The following MS4A4A variants were observed in gnomAD, a reference collection of about 807,000 sequenced individuals.
MS4A4A encodes membrane spanning 4-domains A4A, also known as membrane-spanning 4-domains subfamily A member 4A.
Under a neutral mutation model 28.0 loss-of-function variants are expected in MS4A4A, and 26 were observed. That is an observed-to-expected ratio of 0.93 (90% confidence interval 0.68 to 1.29). The LOEUF is 1.29. Among genes scored for constraint, MS4A4A ranks in the 50% most tolerant of loss-of-function variants. The probability of loss-of-function intolerance (pLI) is 0.00; values close to 1 mark genes in which losing one functional copy is unlikely to be tolerated. For synonymous variants in MS4A4A, 86 were observed against 100.8 expected, an observed-to-expected ratio of 0.85 and a Z score of 0.88; for missense variants, 290 against 293.1, an observed-to-expected ratio of 0.99 and a Z score of 0.08.
intron 2 of MS4A4A, among the ~76,000 whole-genome samples, chr11:60,293,128 G>T (rs550046548): frequency 2.0e-5 from 3 of 152,066 alleles, no homozygotes; most frequent in African/African-American, 7.2e-5. Flanking sequence ...CACAATCTGG[G>T]CTCACTGCAA....
chr11:60,291,868 G>A (rs993134978), intron 1 of MS4A4A, among the ~76,000 whole-genome samples: 27 of 151,934 alleles, frequency 1.8e-4, no homozygotes, highest in African/African-American at 6.5e-4. Context: ...GTAATCAAGG[G>A]ATTAGGCAGT....
Position 60,302,563 on chromosome 11 carries a change from G to A in MS4A4A, c.392G>A (p.Arg131Gln), listed in dbSNP as rs763636845. 16 of 1,613,708 alleles carry A rather than the reference G, an allele frequency of 9.9e-6. No homozygotes were observed. Among genetic ancestry groups the A allele is most frequent in the African/African-American group, 8.0e-5 (6 of 74,898 alleles). ...TTGATTTTCATTCCTTTCTAGGTCC[G>A]AGGTAGTCTAGGAATGAATATCACC... ...AGIRTTKGLV[R>Q]GSLGMNITSS... Residue 131 changes from arginine (R) to glutamine (Q), a missense_variant, in exon 5 of 7, where the codon CGA (arginine) becomes CAA (glutamine). By Grantham distance (43) the Arg-to-Gln change is conservative (BLOSUM62 1). Coordinates refer to ENST00000337908, the MANE Select transcript of MS4A4A (RefSeq NM_148975.3).
intron 3 of MS4A4A, among the ~76,000 whole-genome samples, 187 bp downstream of exon 3, chr11:60,297,512 G>A (rs1158783117): frequency 6.6e-6 from 1 of 151,956 alleles, no homozygotes; most frequent in African/African-American, 2.4e-5. Flanking sequence ...TTAAATCTAG[G>A]CAGATTAAAT....
chr11:60,285,980 T>A (rs78822911), intron 1 of MS4A4A, among the ~76,000 whole-genome samples: 13,440 of 152,164 alleles, frequency 0.088, 752 homozygotes, highest in Middle Eastern at 0.14. Flanking sequence ...GTGTATTTCA[T>A]CCCTTATCTT....
chr11:60,297,110 A>G, intron 2 of MS4A4A, 87 bp from the exon 3 acceptor site: 1 of 1,495,600 alleles, frequency 6.7e-7, no homozygotes, highest in Non-Finnish European at 9.2e-7. Flanking sequence ...GAAGGAGAAT[A>G]AGGATAGCTT....
At chr11:60,308,033 C>A in intron 6 of MS4A4A, 74 bp from the exon 7 acceptor site, 1 of 1,284,984 alleles carries the variant, frequency 7.8e-7, no homozygotes, top group Non-Finnish European at 1.1e-6. Context: ...ATAATGATGA[C>A]TTTATGTGGG....
At chr11:60,282,861 A>G (rs915680638) in intron 1 of MS4A4A, 30 of 695,704 alleles carry the variant, frequency 4.3e-5, no homozygotes, top group African/African-American at 3.6e-4. Flanking sequence ...TGGTGACTCA[A>G]TTGTTTTTGT....
chr11:60,286,151 C>G (rs772916491), intron 1 of MS4A4A, among the ~76,000 whole-genome samples: 1 of 152,208 alleles, frequency 6.6e-6, no homozygotes, highest in Admixed American at 6.5e-5. Context: ...TGCCCGGCCC[C>G]GCAGGCAGTC....
intron 2 of MS4A4A, among the ~76,000 whole-genome samples, 173 bp downstream of exon 2, chr11:60,292,557 A>G (rs1266769924): frequency 6.6e-6 from 1 of 152,206 alleles, no homozygotes; most frequent in Non-Finnish European, 1.5e-5. Flanking sequence ...CTGTCACAAC[A>G]TGCTTCCAGT....
At chr11:60,300,965 A>T in intron 3 of MS4A4A, 36 bp from the exon 4 acceptor site, 1 of 1,519,876 alleles carries the variant, frequency 6.6e-7, no homozygotes, top group Non-Finnish European at 9.0e-7. Context: ...ATACTGGCTT[A>T]AAGTTTTTTA....
intron 1 of MS4A4A, among the ~76,000 whole-genome samples, chr11:60,291,061 C>T (rs2084851714): frequency 6.6e-6 from 1 of 152,138 alleles, no homozygotes. Context: ...GGAAGTTGAT[C>T]ATGAAACACC....
At chr11:60,291,801 A>AC (rs2084858640) in intron 1 of MS4A4A, among the ~76,000 whole-genome samples, 2 of 151,512 alleles carry the variant, frequency 1.3e-5, no homozygotes, top group Non-Finnish European at 2.9e-5. Flanking sequence ...CATCTCAAAA[A>AC]AAAAAAACAA....
chr11:60,297,829 G>A (rs1390982598), intron 3 of MS4A4A, among the ~76,000 whole-genome samples: 1 of 152,100 alleles, frequency 6.6e-6, no homozygotes, highest in Non-Finnish European at 1.5e-5. Flanking sequence ...TCTGTAGCTG[G>A]GAGGAGTCTA....
intron 3 of MS4A4A, among the ~76,000 whole-genome samples, chr11:60,300,242 G>A (rs1212371641): frequency 1.3e-5 from 2 of 152,144 alleles, no homozygotes; most frequent in African/African-American, 4.8e-5. Flanking sequence ...ATTGCCTATT[G>A]ATGGAATCAA....
rs546213510 is a variant in MS4A4A, at chr11:60,288,789, T to C, written c.42-3436T>C. Reference sequence around the variant, plus strand: ...TGGGTTTCTTGAAGCAGTATAGAAATGACCCCCTGGGGAGCCAGGGTTTCT... The same window carrying C: ...TGGGTTTCTTGAAGCAGTATAGAAACGACCCCCTGGGGAGCCAGGGTTTCT... On this transcript the variant is annotated intron_variant, in intron 1 of 6. Transcript: ENST00000337908. Among the ~76,000 whole-genome samples the C allele has an allele frequency of 7.3e-4, 111 of 152,174 alleles. 1 individual carries two copies. Among genetic ancestry groups the C allele is most frequent in the Non-Finnish European group, 1.3e-3 (87 of 68,028 alleles).
chr11:60,280,794 G>C, intron 1 of MS4A4A, 78 bp downstream of exon 1: 1 of 1,557,964 alleles, frequency 6.4e-7, no homozygotes, highest in Non-Finnish European at 8.8e-7. Flanking sequence ...TTTCTGGGAG[G>C]GGAATGAGAA....
At position 60,302,619 on chromosome 11, in the gene MS4A4A, A is replaced by G. The variant is rs551964573; in HGVS notation, c.448A>G (p.Ile150Val). ...SSVLAASGIL[I>V]NTFSLAFYSF... Reference sequence around the variant, plus strand: ...TGTACTGGCTGCATCAGGGATCTTAATCAACACATTTAGCTTGGCGTTTTA... The same window carrying G: ...TGTACTGGCTGCATCAGGGATCTTAGTCAACACATTTAGCTTGGCGTTTTA... Residue 150 changes from isoleucine to valine, a missense_variant, in exon 5 of 7, where the codon ATC becomes GTC. Transcript: ENST00000337908. 1.2e-6 allele frequency: 2 copies of G among 1,614,008 alleles called. No homozygotes were observed. Among genetic ancestry groups the G allele is most frequent in the African/African-American group, 1.3e-5 (1 of 75,064 alleles).
chr11:60,297,296 A>T lies in MS4A4A; in HGVS notation c.301A>T (p.Ile101Phe). 1 of 1,613,546 alleles carries T rather than the reference A, an allele frequency of 6.2e-7. No individual in the cohort carries two copies. The highest frequency in any genetic ancestry group is 8.5e-7 in the Non-Finnish European group (1 of 1,179,538). ...TYGSNPISVY[I>F]GYTIWGSVMF... ...TGGAAGTAACCCTATTTCCGTGTATATCGGGTACACAATTTGGGGGTCAGT... is the reference window on the plus strand; with the variant it reads ...TGGAAGTAACCCTATTTCCGTGTATTTCGGGTACACAATTTGGGGGTCAGT... The change falls in exon 3 of 7, where the codon ATC becomes TTC. Residue 101 changes from isoleucine to phenylalanine, a missense_variant. Physicochemically the swap from Ile to Phe is conservative, Grantham distance 21. Transcript: ENST00000337908.
intron 5 of MS4A4A, chr11:60,305,600 C>T (rs2084992636): frequency 6.5e-6 from 1 of 152,964 alleles, no homozygotes; most frequent in Non-Finnish European, 1.5e-5. Flanking sequence ...CAGGAAAATT[C>T]TCTTATATCA....
Sources: allele counts gnomAD v4.1 joint callset (sites outside exome capture counted in the v4.1 genomes callset), GRCh38; gene constraint gnomAD v4.1.1; transcripts MANE v1.5; gene names NCBI Gene and HGNC (gene_info 2026-07-23, HGNC 2026-07-21).